RSRC1: variants seen among roughly 807,000 people sequenced by gnomAD.
The protein encoded by RSRC1 is serine/Arginine-related protein 53.
In RSRC1, 39 loss-of-function variants were observed where a neutral mutation model predicts 49.1. The ratio of observed to expected loss-of-function variants is 0.79; its 90% CI spans 0.61 to 1.04. The LOEUF (loss-of-function observed/expected upper bound fraction) is 1.04. Among genes scored for constraint, RSRC1 ranks in the 50% least tolerant of loss-of-function variants. The pLI, the probability that RSRC1 is intolerant of heterozygous loss-of-function variation, is 0.00. For missense variants in RSRC1, 388 were observed against 402.4 expected (o/e 0.96, Z 0.31); for synonymous variants, 143 against 130.8 (o/e 1.09, Z -0.63).
At chr3:158,255,998 C>A (rs2108023424) in intron 4 of RSRC1, among the ~76,000 whole-genome samples, 1 of 152,258 alleles carries the variant, frequency 6.6e-6, no homozygotes, top group South Asian at 2.1e-4. Flanking sequence ...ACAATCATGT[C>A]ATCTACGAAC....
intron 4 of RSRC1, among the ~76,000 whole-genome samples, chr3:158,277,896 C>T (rs1242949463): frequency 1.3e-5 from 2 of 152,180 alleles, no homozygotes; most frequent in East Asian, 3.8e-4. Flanking sequence ...AAGCAATCCT[C>T]TCACTCAGCC....
At chr3:158,482,604 C>T (rs1446682138) in intron 7 of RSRC1, among the ~76,000 whole-genome samples, 1 of 151,934 alleles carries the variant, frequency 6.6e-6, no homozygotes, top group African/African-American at 2.4e-5. Context: ...TGTAATCTCA[C>T]TGCTCTTTAG....
chr3:158,340,540 CAAA>C (rs1730173932), intron 5 of RSRC1, among the ~76,000 whole-genome samples: 2 of 151,548 alleles, frequency 1.3e-5, no homozygotes, highest in South Asian at 4.2e-4. Flanking sequence ...GAGTCCGTCT[CAAA>C]AAAAGAAAAA....
chr3:158,471,400 A>C (rs1029369454), intron 7 of RSRC1, among the ~76,000 whole-genome samples: 1 of 152,144 alleles, frequency 6.6e-6, no homozygotes, highest in Non-Finnish European at 1.5e-5. Flanking sequence ...CACAGAGCCT[A>C]GTATATACTG....
At chr3:158,528,482 C>G (rs990556868) in intron 7 of RSRC1, among the ~76,000 whole-genome samples, 3 of 151,938 alleles carry the variant, frequency 2.0e-5, no homozygotes, top group Admixed American at 2.0e-4. Flanking sequence ...CTGATATTAG[C>G]CACAGTGACA....
intron 6 of RSRC1, among the ~76,000 whole-genome samples, chr3:158,422,628 C>A (rs1284161097): frequency 6.7e-6 from 1 of 150,372 alleles, no homozygotes; most frequent in Non-Finnish European, 1.5e-5. Flanking sequence ...ATTTCTAGTT[C>A]TAGATCCCTG....
At chr3:158,393,353 C>A (rs1296852288) in intron 6 of RSRC1, among the ~76,000 whole-genome samples, 8 of 151,718 alleles carry the variant, frequency 5.3e-5, no homozygotes, top group African/African-American at 1.9e-4. Flanking sequence ...CACACACACA[C>A]ACAAAAAATC....
intron 4 of RSRC1, among the ~76,000 whole-genome samples, chr3:158,276,603 C>T (rs1046105906): frequency 1.6e-4 from 24 of 152,076 alleles, no homozygotes; most frequent in African/African-American, 5.8e-4. Flanking sequence ...CTTATTGGTC[C>T]TATACTTTAT....
intron 1 of RSRC1, among the ~76,000 whole-genome samples, chr3:158,120,444 A>C (rs1449377807): frequency 1.3e-5 from 2 of 151,494 alleles, no homozygotes. Flanking sequence ...TTCTGAAAGC[A>C]AAGCAGTAAT....
intron 3 of RSRC1, among the ~76,000 whole-genome samples, chr3:158,145,756 A>G (rs1204038242): frequency 2.0e-5 from 3 of 152,146 alleles, no homozygotes; most frequent in African/African-American, 7.2e-5. Context: ...GCTTCTTCCT[A>G]TCCATGAACA....
chr3:158,183,428 T>C (rs544158836), intron 3 of RSRC1, among the ~76,000 whole-genome samples: 1 of 152,126 alleles, frequency 6.6e-6, no homozygotes, highest in South Asian at 2.1e-4. Context: ...TTTGTGTAGA[T>C]TGATCTTCTA....
intron 4 of RSRC1, among the ~76,000 whole-genome samples, chr3:158,211,276 T>G (rs1721657995): frequency 2.0e-5 from 3 of 152,120 alleles, no homozygotes; most frequent in Non-Finnish European, 2.9e-5. Flanking sequence ...CATTATGCTT[T>G]GGAGCTACTG....
At chr3:158,285,482 G>A (rs1726471242) in intron 4 of RSRC1, among the ~76,000 whole-genome samples, 1 of 152,032 alleles carries the variant, frequency 6.6e-6, no homozygotes, top group South Asian at 2.1e-4. Flanking sequence ...AATTTCCTTG[G>A]GCTATGGCCA....
At position 158,334,648 on chromosome 3, in the gene RSRC1, T is replaced by TG. The variant is rs1491539744; in HGVS notation, c.532-20209_532-20208insG. 4.3e-4 allele frequency among the ~76,000 whole-genome samples: 49 copies of TG among 114,094 alleles called. No homozygotes were observed. In the South Asian group the frequency reaches 4.8e-3, roughly 11 times the overall value. The allele number at this position is 114,094 out of a possible 152,430, so 74.9% of individuals were successfully genotyped here. On this transcript the variant is annotated intron_variant, in intron 5 of 9. Transcript: ENST00000611884. ...GGCACATGACACCACACCCAGCTAA[T>TG]TTGTGTGTGTGTGTGTGTGTGTGTG...
chr3:158,281,964 A>C (rs1015089566), intron 4 of RSRC1, among the ~76,000 whole-genome samples: 1 of 152,182 alleles, frequency 6.6e-6, no homozygotes, highest in Non-Finnish European at 1.5e-5. Flanking sequence ...ACCCATTGGC[A>C]ATTACAGAGT....
chr3:158,249,362 C>T (rs571019770), intron 4 of RSRC1, among the ~76,000 whole-genome samples: 1 of 152,268 alleles, frequency 6.6e-6, no homozygotes, highest in East Asian at 1.9e-4. Flanking sequence ...TAAATAAAAT[C>T]GCTTACAGGA....
intron 5 of RSRC1, among the ~76,000 whole-genome samples, chr3:158,300,865 A>G (rs1159556025): frequency 6.6e-6 from 1 of 152,194 alleles, no homozygotes; most frequent in East Asian, 1.9e-4. Context: ...TATACTTGCT[A>G]CCAGGTAACA....
At chr3:158,200,542 T>C (rs182711111) in intron 3 of RSRC1, among the ~76,000 whole-genome samples, 4 of 152,198 alleles carry the variant, frequency 2.6e-5, no homozygotes, top group African/African-American at 9.6e-5. Context: ...TTATTTTATG[T>C]CTTTCCCTTC....
intron 6 of RSRC1, among the ~76,000 whole-genome samples, chr3:158,400,426 T>C (rs191956402): frequency 6.6e-6 from 1 of 151,950 alleles, no homozygotes; most frequent in African/African-American, 2.4e-5. Flanking sequence ...TATAAAAAAA[T>C]AGTTAACTGT....
Sources: allele counts gnomAD v4.1 joint callset (sites outside exome capture counted in the v4.1 genomes callset), GRCh38; gene constraint gnomAD v4.1.1; transcripts MANE v1.5; gene names NCBI Gene and HGNC (gene_info 2026-07-23, HGNC 2026-07-21).